The following SYNRG variants were observed in gnomAD, a reference collection of about 807,000 sequenced individuals.
SYNRG encodes AP1 gamma subunit binding protein 1.
A neutral mutation model predicts 130.9 loss-of-function variants in SYNRG; 37 were observed. The ratio of observed to expected loss-of-function variants is 0.28; its 90% CI spans 0.22 to 0.37. SYNRG has a LOEUF of 0.37. Among genes scored for constraint, SYNRG ranks in the 10% least tolerant of loss-of-function variants. SYNRG has a pLI of 1.00. For synonymous variants in SYNRG, 539 were observed against 568.1 expected (o/e 0.95, Z 0.73); for missense variants, 1,338 against 1,588.9 (o/e 0.84, Z 2.68).
intron 11 of SYNRG, chr17:37,566,755 C>T (rs1681482747): frequency 1.3e-5 from 2 of 152,344 alleles, no homozygotes; most frequent in South Asian, 4.1e-4. Flanking sequence ...AAACTTTCTA[C>T]CCCCAAATTT....
intron 19 of SYNRG, among the ~76,000 whole-genome samples, chr17:37,525,144 G>C (rs1433067797): frequency 6.6e-6 from 1 of 152,092 alleles, no homozygotes; most frequent in Non-Finnish European, 1.5e-5. Flanking sequence ...AATATTAACA[G>C]TTTGGCACCA....
At chr17:37,558,585 C>T (rs2059288623) in intron 13 of SYNRG, among the ~76,000 whole-genome samples, 1 of 152,192 alleles carries the variant, frequency 6.6e-6, no homozygotes, top group African/African-American at 2.4e-5. Context: ...CTAAGTCTTA[C>T]TATCGGAGAT....
In SYNRG at chr17:37,568,875, T is replaced by A; in HGVS notation, c.1397A>T (p.Lys466Met). ...GAATGAGTCATCAAGGGATCCTGAC[T>A]TAGAAGCATCTTGAAAATCCTGGAA... ...DDFQDFQDAS[K>M]SGSLDDSFSD... Residue 466 changes from lysine to methionine, a missense_variant, in exon 11 of 22, where the codon AAG becomes ATG. Coordinates refer to ENST00000612223, the MANE Select transcript of SYNRG (RefSeq NM_007247.6). The A allele has an allele frequency of 6.2e-7, 1 of 1,614,092 alleles. No homozygotes were observed. The highest frequency in any genetic ancestry group is 1.1e-5 in the South Asian group (1 of 91,072).
intron 19 of SYNRG, among the ~76,000 whole-genome samples, chr17:37,527,356 T>A (rs189980982): frequency 2.6e-5 from 4 of 152,236 alleles, no homozygotes; most frequent in Admixed American, 2.0e-4. Flanking sequence ...AATCTCAGAG[T>A]GCATCACATC....
chr17:37,547,378 T>G (rs971257250), intron 14 of SYNRG, among the ~76,000 whole-genome samples: 1 of 151,954 alleles, frequency 6.6e-6, no homozygotes, highest in African/African-American at 2.4e-5. Flanking sequence ...GAAGTGCAAT[T>G]GAGGCCTTTT....
intron 1 of SYNRG, chr17:37,606,050 G>T: frequency 1.0e-6 from 1 of 966,536 alleles, no homozygotes; most frequent in Non-Finnish European, 1.2e-6. Flanking sequence ...CACCCCTGAA[G>T]TTAAAACTAT....
chr17:37,596,044 T>G (rs568741246), intron 3 of SYNRG, among the ~76,000 whole-genome samples, 179 bp downstream of exon 3: 5 of 152,380 alleles, frequency 3.3e-5, no homozygotes, highest in African/African-American at 1.2e-4. Context: ...CATGAGCCAC[T>G]GCACCTAGCC....
intron 6 of SYNRG, among the ~76,000 whole-genome samples, chr17:37,583,077 A>C (rs1452185802): frequency 6.6e-6 from 1 of 150,658 alleles, no homozygotes; most frequent in Non-Finnish European, 1.5e-5. Context: ...TGCAGCCTCT[A>C]TCTCCCAGGT....
At position 37,518,527 on chromosome 17, in the gene SYNRG, C is replaced by T. The variant is rs559447688; in HGVS notation, c.*413G>A. The T allele has an allele frequency of 6.6e-5, 11 of 167,394 alleles. No individual in the cohort carries two copies. The South Asian group carries it at 2.1e-3, about 32-fold the overall frequency. 10.4% of individuals were successfully genotyped at this position (167,394 alleles called of 1,614,324 possible). Reference sequence around the variant, plus strand: ...CAAACTAAATGCAGATAAATGTATTCTACTTCACAGGACAGTAAGTGTCCT... The same window carrying T: ...CAAACTAAATGCAGATAAATGTATTTTACTTCACAGGACAGTAAGTGTCCT... On this transcript the variant is annotated 3_prime_UTR_variant, in exon 22 of 22. Transcript: ENST00000612223.
Position 37,546,896 on chromosome 17 carries a change from TTCTC to T in SYNRG, c.2609-4335_2609-4332del, listed in dbSNP as rs548948872. Among the ~76,000 whole-genome samples the T allele has an allele frequency of 1.8e-4, 27 of 152,324 alleles. No individual in the cohort carries two copies. The East Asian group carries it at 5.2e-3, about 29-fold the overall frequency. On this transcript the variant is annotated intron_variant, in intron 14 of 21. Coordinates refer to ENST00000612223, the MANE Select transcript of SYNRG (RefSeq NM_007247.6). ...CCATAAAATACTTGTACATTTCAGT[TTCTC>T]TCTACCCTGGGCCCTAATCTCCCTT...
intron 8 of SYNRG, among the ~76,000 whole-genome samples, 176 bp from the exon 9 acceptor site, chr17:37,572,163 C>T (rs953353814): frequency 6.6e-6 from 1 of 152,160 alleles, no homozygotes; most frequent in East Asian, 1.9e-4. Flanking sequence ...CGTGGTGGCT[C>T]ACGTCTGTAA....
chr17:37,532,613 C>T lies in SYNRG; in HGVS notation c.3666+3366G>A, dbSNP rs201210365. Among the ~76,000 whole-genome samples the T allele has an allele frequency of 4.5e-5, 6 of 134,360 alleles. No homozygotes were observed. In the East Asian group the frequency reaches 1.1e-3, roughly 26 times the overall value. 88.1% of individuals were successfully genotyped at this position (134,360 alleles called of 152,430 possible). On this transcript the variant is annotated intron_variant, in intron 19 of 21. Coordinates refer to ENST00000612223, the MANE Select transcript of SYNRG (RefSeq NM_007247.6). Reference sequence around the variant, plus strand: ...GCTTTAATCTGGGAGGCGGAGGTTGCAGTGAGCCGAGATTGCACCATTGCA... The same window carrying T: ...GCTTTAATCTGGGAGGCGGAGGTTGTAGTGAGCCGAGATTGCACCATTGCA...
chr17:37,578,570 T>A (rs565034996), intron 6 of SYNRG, among the ~76,000 whole-genome samples: 17 of 152,332 alleles, frequency 1.1e-4, no homozygotes, highest in Non-Finnish European at 1.9e-4. Flanking sequence ...AACATCATCA[T>A]CATCTCTTGG....
At chr17:37,593,183 C>T (rs1449248438) in intron 3 of SYNRG, among the ~76,000 whole-genome samples, 4 of 152,078 alleles carry the variant, frequency 2.6e-5, no homozygotes, top group Non-Finnish European at 5.9e-5. Flanking sequence ...GAGGCCAAAG[C>T]GGGTGGATCA....
At position 37,528,232 on chromosome 17, in the gene SYNRG, C is replaced by T. The variant is rs1044600726; in HGVS notation, c.3667-7584G>A. 9.9e-5 allele frequency among the ~76,000 whole-genome samples: 15 copies of T among 152,120 alleles called. No homozygotes were observed. The East Asian group carries it at 1.5e-3, about 16-fold the overall frequency. On this transcript the variant is annotated intron_variant, in intron 19 of 21. Transcript: ENST00000612223. ...GAGATGGCCTCTGCACTTCTTGGCT[C>T]GTGGTCCTATCTCAAAGCCAGCAGG...
At chr17:37,597,716 C>T (rs567639953) in intron 2 of SYNRG, among the ~76,000 whole-genome samples, 310 of 152,344 alleles carry the variant, frequency 2.0e-3, no homozygotes, top group Middle Eastern at 6.8e-3. Context: ...AATGAATATA[C>T]ATCCCTTTGG....
In SYNRG at chr17:37,609,401, C is replaced by T. The variant is rs1001856655; in HGVS notation, c.-46G>A. The T allele has an allele frequency of 3.6e-6, 5 of 1,380,224 alleles. No homozygotes were observed. The highest frequency in any genetic ancestry group is 4.7e-6 in the Non-Finnish European group (5 of 1,071,086). 85.5% of individuals were successfully genotyped at this position (1,380,224 alleles called of 1,614,324 possible). On this transcript the variant is annotated 5_prime_UTR_variant, in exon 1 of 22. Coordinates refer to ENST00000612223, the MANE Select transcript of SYNRG (RefSeq NM_007247.6). ...GCCTTCGCCGCCGCCACCTTATCAG[C>T]AGCTGTCAGCTGAACACAGCCACTT... is the stretch of plus-strand genomic sequence containing the variant.
chr17:37,593,878 CAAA>C (rs36060397), intron 3 of SYNRG, among the ~76,000 whole-genome samples: 12 of 89,538 alleles, frequency 1.3e-4, no homozygotes, highest in Non-Finnish European at 1.2e-4. Flanking sequence ...AACTCCCTCT[CAAA>C]AAAAAAAAAA....
chr17:37,598,444 T>C (rs2062970887), intron 2 of SYNRG, among the ~76,000 whole-genome samples: 1 of 152,236 alleles, frequency 6.6e-6, no homozygotes, highest in Admixed American at 6.5e-5. Context: ...ATGTTTTCCG[T>C]CTTATTTCTT....
Sources: allele counts gnomAD v4.1 joint callset (sites outside exome capture counted in the v4.1 genomes callset), GRCh38; gene constraint gnomAD v4.1.1; transcripts MANE v1.5; gene names NCBI Gene and HGNC (gene_info 2026-07-23, HGNC 2026-07-21).